Variants in TPO observed in about 807,000 individuals in gnomAD.
The protein encoded by TPO is thyroid peroxidase, also known as thyroid microsomal antigen.
Under a neutral mutation model 96.9 loss-of-function variants are expected in TPO, and 78 were observed. The ratio of observed to expected loss-of-function variants is 0.81; its 90% CI spans 0.67 to 0.97. TPO has a LOEUF of 0.97. Ranked by LOEUF, TPO falls within the 50% of genes least tolerant of loss-of-function variation. The pLI is 0.00. For synonymous variants in TPO, 547 were observed against 538.0 expected (o/e 1.02, Z -0.23); for missense variants, 1,252 against 1,274.8 (o/e 0.98, Z 0.27).
intron 8 of TPO, among the ~76,000 whole-genome samples, chr2:1,479,179 C>G (rs931234377): frequency 4.6e-5 from 7 of 152,238 alleles, no homozygotes; most frequent in African/African-American, 1.7e-4. Flanking sequence ...TGAGTCTGGA[C>G]TTCCGGCCAC....
chr2:1,511,662 TC>T lies in TPO; in HGVS notation c.2519-5218del, dbSNP rs777555602. Among the ~76,000 whole-genome samples, 19 of 152,296 alleles carry T rather than the reference TC, an allele frequency of 1.2e-4. No homozygotes were observed. The East Asian group carries it at 1.9e-3, about 16-fold the overall frequency. ...CAGATACCACCTTCTCCCCATGTCC[TC>T]CCAGGGCAGTCCCTCTGTGTGTCCA... On this transcript the variant is annotated intron_variant, in intron 14 of 16. Coordinates refer to ENST00000329066, the MANE Select transcript of TPO (RefSeq NM_001206744.2).
At chr2:1,374,883 C>T (rs1010401876) in intron 1 of TPO, among the ~76,000 whole-genome samples, 24 of 151,518 alleles carry the variant, frequency 1.6e-4, no homozygotes, top group Non-Finnish European at 2.5e-4. Flanking sequence ...CCCGCCACCA[C>T]GCCCAGCTAA....
intron 14 of TPO, among the ~76,000 whole-genome samples, chr2:1,505,279 G>A (rs1407080495): frequency 6.8e-6 from 1 of 146,102 alleles, no homozygotes; most frequent in African/African-American, 2.6e-5. Flanking sequence ...CCTGTGTCAG[G>A]CGCACCCCAC....
intron 5 of TPO, among the ~76,000 whole-genome samples, chr2:1,441,610 C>G (rs74334910): frequency 6.6e-6 from 1 of 152,166 alleles, no homozygotes; most frequent in Admixed American, 6.5e-5. Context: ...TCAGGGTCCT[C>G]GACTCTGCTG....
chr2:1,432,509 AGAGGCCTGCAGGTGAGGG>A (rs1665087083), intron 3 of TPO, among the ~76,000 whole-genome samples: 2 of 130,632 alleles, frequency 1.5e-5, no homozygotes, highest in African/African-American at 2.9e-5. Flanking sequence ...CCAGGTGTGG[AGAGGCCTGCAGGTGAGGG>A]GAGGCCTGCA....
chr2:1,533,787 C>T (rs1678894914), intron 15 of TPO, among the ~76,000 whole-genome samples: 1 of 65,194 alleles, frequency 1.5e-5, no homozygotes, highest in Non-Finnish European at 3.1e-5. Context: ...TCCTCAAATC[C>T]CCCCCAGTGT....
At chr2:1,535,339 T>A (rs1418986118) in intron 15 of TPO, among the ~76,000 whole-genome samples, 1 of 43,456 alleles carries the variant, frequency 2.3e-5, no homozygotes, top group Non-Finnish European at 4.2e-5. Flanking sequence ...CCCCACTGTA[T>A]GCAACCTACT....
chr2:1,378,038 A>G (rs1009162793), intron 1 of TPO, among the ~76,000 whole-genome samples: 6 of 152,170 alleles, frequency 3.9e-5, no homozygotes, highest in African/African-American at 1.2e-4. Flanking sequence ...TGATGGTTTT[A>G]TCAGGGAAAC....
rs1663746979 is a variant in TPO at position 1,422,358 on chromosome 2, C to CACCTCTCCTGGACAGACTTCGTGCAGGT, written c.95-687_95-686insACCTCTCCTGGACAGACTTCGTGCAGGT. On this transcript the variant is annotated intron_variant, in intron 2 of 16. Coordinates refer to ENST00000329066, the MANE Select transcript of TPO (RefSeq NM_001206744.2). ...CTCTCCTGGACCGACCTCGTGCAGG[C>CACCTCTCCTGGACAGACTTCGTGCAGGT]GCCGCGCTGGACCGACCTCGTGCAG... 1.9e-5 allele frequency among the ~76,000 whole-genome samples: 2 copies of CACCTCTCCTGGACAGACTTCGTGCAGGT among 106,044 alleles called. 1 individual carries two copies. Among genetic ancestry groups the CACCTCTCCTGGACAGACTTCGTGCAGGT allele is most frequent in the Admixed American group, 1.8e-4 (2 of 11,158 alleles). The allele number at this position is 106,044 out of a possible 152,430, so 69.6% of individuals were successfully genotyped here.
At chr2:1,434,457 G>T (rs1665350328) in intron 4 of TPO, among the ~76,000 whole-genome samples, 1 of 152,190 alleles carries the variant, frequency 6.6e-6, no homozygotes, top group African/African-American at 2.4e-5. Context: ...TAATTTCATA[G>T]CAAGCTAAGA....
intron 14 of TPO, among the ~76,000 whole-genome samples, chr2:1,515,800 C>T (rs1271494977): frequency 6.6e-6 from 1 of 152,134 alleles, no homozygotes. Flanking sequence ...TTCCCCCAGC[C>T]GCTGCCTCTG....
chr2:1,508,775 T>C (rs1673754590), intron 14 of TPO, among the ~76,000 whole-genome samples: 2 of 152,220 alleles, frequency 1.3e-5, no homozygotes, highest in Admixed American at 1.3e-4. Context: ...TTCTTCTCTC[T>C]TTTCTTCTTT....
At chr2:1,435,191 C>T (rs761789641) in intron 4 of TPO, among the ~76,000 whole-genome samples, 2 of 152,184 alleles carry the variant, frequency 1.3e-5, no homozygotes, top group African/African-American at 2.4e-5. Flanking sequence ...CTTTGGCCTC[C>T]CAAAGTGCTG....
intron 15 of TPO, among the ~76,000 whole-genome samples, chr2:1,531,942 T>TG (rs1678358745): frequency 1.7e-5 from 1 of 57,456 alleles, no homozygotes; most frequent in African/African-American, 6.6e-5. Flanking sequence ...CCTCCTCAAA[T>TG]CCCCCCACTG....
At chr2:1,526,830 C>T (rs1370287583) in intron 15 of TPO, among the ~76,000 whole-genome samples, 1 of 133,856 alleles carries the variant, frequency 7.5e-6, no homozygotes, top group Non-Finnish European at 1.6e-5. Flanking sequence ...TGCAACCTCC[C>T]CAAATCCTCC....
intron 7 of TPO, among the ~76,000 whole-genome samples, chr2:1,463,023 CT>C (rs1668588105): frequency 6.6e-6 from 1 of 152,176 alleles, no homozygotes; most frequent in East Asian, 1.9e-4. Context: ...CATATATTAT[CT>C]TTGTACTTAG....
At chr2:1,484,047 T>G (rs1180386768) in intron 8 of TPO, among the ~76,000 whole-genome samples, 1 of 152,208 alleles carries the variant, frequency 6.6e-6, no homozygotes. Flanking sequence ...ACACTGATTT[T>G]TCTGTCTGAA....
chr2:1,390,552 G>A (rs1309098241), intron 1 of TPO, among the ~76,000 whole-genome samples: 1 of 152,118 alleles, frequency 6.6e-6, no homozygotes, highest in Non-Finnish European at 1.5e-5. Flanking sequence ...CCCAGTAATG[G>A]GATTGCTGGG....
chr2:1,469,291 A>G (rs188747345), intron 7 of TPO, among the ~76,000 whole-genome samples: 62 of 152,170 alleles, frequency 4.1e-4, no homozygotes, highest in African/African-American at 1.4e-3. Context: ...TTATTTTGTT[A>G]TATTACCAGA....
Sources: gnomAD v4.1 joint callset for allele counts (sites outside exome capture counted in the v4.1 genomes callset) on GRCh38, gnomAD v4.1.1 for gene constraint, MANE v1.5 for transcripts, NCBI Gene and HGNC (gene_info 2026-07-23, HGNC 2026-07-21) for gene names.